Variants in MPZL3 observed in about 807,000 individuals in gnomAD.
MPZL3 encodes myelin protein zero like 3, also known as myelin protein zero-like protein 3.
MPZL3 carries 23 observed loss-of-function variants against 24.8 expected under a neutral mutation model. That is an observed-to-expected ratio of 0.93 (90% confidence interval 0.67 to 1.31). The LOEUF (loss-of-function observed/expected upper bound fraction) is 1.31. Ranked by LOEUF, MPZL3 falls within the 40% of genes most tolerant of loss-of-function variation. The pLI is 0.00. For synonymous variants in MPZL3, 99 were observed against 106.5 expected (o/e 0.93, Z 0.44); for missense variants, 277 against 294.9 (o/e 0.94, Z 0.44).
intron 1 of MPZL3, 42 bp downstream of exon 1, chr11:118,252,180 C>A (rs769917813): frequency 2.5e-6 from 4 of 1,600,392 alleles, no homozygotes; most frequent in Non-Finnish European, 2.6e-6. Context: ...TCTTCCCTAA[C>A]CCCCCGGCCG....
At chr11:118,241,359 T>C (rs1288471895) in intron 1 of MPZL3, among the ~76,000 whole-genome samples, 1 of 152,206 alleles carries the variant, frequency 6.6e-6, no homozygotes, top group African/African-American at 2.4e-5. Context: ...AAATCGGCAG[T>C]GCTTCTGGTA....
intron 4 of MPZL3, among the ~76,000 whole-genome samples, chr11:118,233,821 C>T (rs771627685): frequency 6.6e-6 from 1 of 152,100 alleles, no homozygotes; most frequent in Non-Finnish European, 1.5e-5. Flanking sequence ...TGACAAAACC[C>T]CGTCTCTACT....
chr11:118,231,322 T>G (rs1949348044), intron 5 of MPZL3, among the ~76,000 whole-genome samples: 1 of 152,154 alleles, frequency 6.6e-6, no homozygotes, highest in African/African-American at 2.4e-5. Context: ...AATCTCCTGG[T>G]TTTCTTCCTA....
intron 5 of MPZL3, among the ~76,000 whole-genome samples, chr11:118,230,466 G>A (rs1949336951): frequency 6.6e-6 from 1 of 152,074 alleles, no homozygotes; most frequent in Non-Finnish European, 1.5e-5. Context: ...AAATTACTTA[G>A]CACTGCCTGG....
At chr11:118,249,488 AG>A (rs1291187328) in intron 1 of MPZL3, among the ~76,000 whole-genome samples, 1 of 152,230 alleles carries the variant, frequency 6.6e-6, no homozygotes, top group African/African-American at 2.4e-5. Flanking sequence ...TCATCTGAGC[AG>A]AAAAGCATTC....
intron 2 of MPZL3, among the ~76,000 whole-genome samples, chr11:118,238,459 C>G (rs769535469): frequency 1.3e-5 from 2 of 152,212 alleles, no homozygotes; most frequent in Non-Finnish European, 2.9e-5. Context: ...CACTTCATCA[C>G]CAAAAGCCTA....
chr11:118,231,207 C>A (rs1295058875), intron 5 of MPZL3, among the ~76,000 whole-genome samples: 1 of 152,176 alleles, frequency 6.6e-6, no homozygotes, highest in Non-Finnish European at 1.5e-5. Context: ...ATCCAATAAT[C>A]AATTATCAGC....
Position 118,229,772 on chromosome 11 carries a change from C to A in MPZL3, c.*122G>T. 2 of 862,984 alleles carry A rather than the reference C, an allele frequency of 2.3e-6. No homozygotes were observed. The highest frequency in any genetic ancestry group is 3.7e-6 in the Non-Finnish European group (2 of 535,456). 53.5% of individuals were successfully genotyped at this position (862,984 alleles called of 1,614,324 possible). A position where few individuals can be genotyped will look rare whatever the true frequency, so the allele number is the denominator to read the frequency against. On this transcript the variant is annotated 3_prime_UTR_variant, in exon 6 of 6. Transcript: ENST00000278949. ...GGTTCCTAAAGTCTTTACTGATGAT[C>A]TCCAGGATTGTCCATCGCTATGGTC...
chr11:118,247,470 C>A (rs1004172252), intron 1 of MPZL3, among the ~76,000 whole-genome samples: 4 of 152,166 alleles, frequency 2.6e-5, no homozygotes, highest in Admixed American at 2.6e-4. Flanking sequence ...GTCCCTAATG[C>A]TGACATAGGA....
intron 1 of MPZL3, among the ~76,000 whole-genome samples, chr11:118,243,020 C>G (rs1468298930): frequency 2.0e-5 from 3 of 152,090 alleles, no homozygotes; most frequent in Non-Finnish European, 4.4e-5. Context: ...ACATGCAATA[C>G]TCTTAACTCC....
rs1291957519 is a variant in MPZL3 at position 118,226,909 on chromosome 11, T to C, written c.*2985A>G. 5 of 152,256 alleles carry C rather than the reference T, an allele frequency of 3.3e-5. No individual in the cohort carries two copies. The South Asian group carries it at 1.0e-3, about 31-fold the overall frequency. 9.4% of individuals were successfully genotyped at this position (152,256 alleles called of 1,614,324 possible). A position where few individuals can be genotyped will look rare whatever the true frequency, so the allele number is the denominator to read the frequency against. ...AGTTTCAAGTTGTGCAATTAAATAATAGTCTTGGTCCACTCCTTGTGGGTC... is the reference window on the plus strand; with the variant it reads ...AGTTTCAAGTTGTGCAATTAAATAACAGTCTTGGTCCACTCCTTGTGGGTC... On this transcript the variant is annotated 3_prime_UTR_variant, in exon 6 of 6. Transcript: ENST00000278949.
intron 1 of MPZL3, among the ~76,000 whole-genome samples, chr11:118,241,263 A>G (rs983784102): frequency 6.6e-6 from 1 of 152,126 alleles, no homozygotes; most frequent in Non-Finnish European, 1.5e-5. Flanking sequence ...TTCCTTATCT[A>G]CCTCAAGAAG....
chr11:118,252,171 C>A (rs776638965), intron 1 of MPZL3, 51 bp downstream of exon 1: 2 of 1,597,458 alleles, frequency 1.3e-6, no homozygotes, highest in Non-Finnish European at 8.6e-7. Flanking sequence ...AAGCGACCAT[C>A]TTCCCTAACC....
chr11:118,247,390 T>C (rs1281351888), intron 1 of MPZL3, among the ~76,000 whole-genome samples: 1 of 152,188 alleles, frequency 6.6e-6, no homozygotes, highest in African/African-American at 2.4e-5. Context: ...AAGGTCCACA[T>C]ACATAGGGTT....
chr11:118,233,932 G>T (rs1949387016), intron 4 of MPZL3, among the ~76,000 whole-genome samples: 1 of 152,190 alleles, frequency 6.6e-6, no homozygotes, highest in Non-Finnish European at 1.5e-5. Flanking sequence ...GGCAGAGGTT[G>T]CAGTGAGCCA....
intron 5 of MPZL3, among the ~76,000 whole-genome samples, chr11:118,232,337 TCTG>T (rs1949364612): frequency 6.6e-6 from 1 of 152,068 alleles, no homozygotes; most frequent in Non-Finnish European, 1.5e-5. Context: ...ATCCCCCTTT[TCTG>T]CTTTTTTCTC....
chr11:118,252,181 C>G, intron 1 of MPZL3, 41 bp downstream of exon 1: 1 of 1,607,278 alleles, frequency 6.2e-7, no homozygotes. Context: ...CTTCCCTAAC[C>G]CCCCGGCCGG....
intron 1 of MPZL3, 65 bp downstream of exon 1, chr11:118,252,157 G>T: frequency 6.4e-7 from 1 of 1,568,216 alleles, no homozygotes; most frequent in Non-Finnish European, 8.8e-7. Flanking sequence ...ACCCGGAACC[G>T]GAAAAGCGAC....
In MPZL3 at chr11:118,233,458, AC is replaced by A. The variant is rs1565491515; in HGVS notation, c.681+1del. The A allele has an allele frequency of 6.2e-7, 1 of 1,613,892 alleles. No individual in the cohort carries two copies. Among genetic ancestry groups the A allele is most frequent in the Admixed American group, 1.7e-5 (1 of 59,996 alleles). Reference sequence around the variant, plus strand: ...TAAGCAGAAGGAATGGCATGCACTTACCAGGCACTCAGCGCAACGGACACAA... The same window carrying A: ...TAAGCAGAAGGAATGGCATGCACTTACAGGCACTCAGCGCAACGGACACAA... On this transcript the variant is annotated splice_donor_variant, in intron 5 of 5. Transcript: ENST00000278949.
Sources: allele counts gnomAD v4.1 joint callset (sites outside exome capture counted in the v4.1 genomes callset), GRCh38; gene constraint gnomAD v4.1.1; transcripts MANE v1.5; gene names NCBI Gene and HGNC (gene_info 2026-07-23, HGNC 2026-07-21).